SCAPER: variants seen among roughly 807,000 people sequenced by gnomAD.
The protein encoded by SCAPER is S phase cyclin A-associated protein in the endoplasmic reticulum.
In SCAPER, 98 loss-of-function variants were observed where a neutral mutation model predicts 182.2. The ratio of observed to expected loss-of-function variants is 0.54; its 90% confidence interval spans 0.46 to 0.64. The LOEUF is 0.64. SCAPER is among the 30% of genes least tolerant of loss of function. The pLI is 0.00. For synonymous variants in SCAPER, 605 were observed against 564.6 expected, an observed-to-expected ratio of 1.07 and a Z score of -1.01; for missense variants, 1,432 against 1,690.0, an observed-to-expected ratio of 0.85 and a Z score of 2.68.
chr15:76,650,410 TAGA>T (rs1385665765), intron 21 of SCAPER, among the ~76,000 whole-genome samples: 2 of 151,842 alleles, frequency 1.3e-5, no homozygotes, highest in African/African-American at 2.4e-5. Context: ...TAAAGAGAAT[TAGA>T]AGAAGATATG....
chr15:76,903,494 G>A (rs2074911766), intron 1 of SCAPER, among the ~76,000 whole-genome samples: 1 of 152,154 alleles, frequency 6.6e-6, no homozygotes, highest in Admixed American at 6.5e-5. Context: ...CTTATAAGAG[G>A]CCAGAGAGAG....
chr15:76,821,103 G>A (rs943429496), intron 5 of SCAPER, among the ~76,000 whole-genome samples: 1 of 152,194 alleles, frequency 6.6e-6, no homozygotes, highest in African/African-American at 2.4e-5. Flanking sequence ...CTTACCATGT[G>A]ATCCAGCAAC....
chr15:76,819,083 G>A (rs1189751628), intron 5 of SCAPER, among the ~76,000 whole-genome samples: 1 of 152,234 alleles, frequency 6.6e-6, no homozygotes, highest in Non-Finnish European at 1.5e-5. Context: ...AAACAAAGCG[G>A]CCAGGAAGCT....
At chr15:76,685,508 C>G (rs140480099) in intron 20 of SCAPER, among the ~76,000 whole-genome samples, 3 of 151,992 alleles carry the variant, frequency 2.0e-5, no homozygotes, top group East Asian at 3.9e-4. Flanking sequence ...GAGCAACAAA[C>G]TAACAGGTAA....
At chr15:76,657,340 T>C (rs768497644) in intron 21 of SCAPER, among the ~76,000 whole-genome samples, 4 of 151,672 alleles carry the variant, frequency 2.6e-5, no homozygotes, top group Admixed American at 6.6e-5. Context: ...CCTTTCAAGA[T>C]TGAATGAGGA....
intron 5 of SCAPER, among the ~76,000 whole-genome samples, chr15:76,836,734 C>T (rs748617765): frequency 4.0e-5 from 6 of 151,812 alleles, no homozygotes; most frequent in Non-Finnish European, 5.9e-5. Flanking sequence ...ATTAGCCGGG[C>T]GTGGTGGCAG....
intron 4 of SCAPER, among the ~76,000 whole-genome samples, chr15:76,851,603 A>G (rs1444820982): frequency 6.6e-6 from 1 of 152,214 alleles, no homozygotes; most frequent in Non-Finnish European, 1.5e-5. Flanking sequence ...TGGTAAGCAA[A>G]AAAGAAATAA....
chr15:76,514,285 G>GCT (rs2144113277), intron 23 of SCAPER, among the ~76,000 whole-genome samples: 1 of 152,272 alleles, frequency 6.6e-6, no homozygotes, highest in East Asian at 1.9e-4. Flanking sequence ...TACCTTAAAA[G>GCT]CTCTGCCTTC....
chr15:76,355,157 A>C (rs192917229), intron 29 of SCAPER, among the ~76,000 whole-genome samples: 1 of 152,370 alleles, frequency 6.6e-6, no homozygotes, highest in Admixed American at 6.5e-5. Flanking sequence ...GGGATTTACA[A>C]GTTTTCAAAG....
chr15:76,483,041 T>C (rs1236027675), intron 24 of SCAPER, among the ~76,000 whole-genome samples: 2 of 152,022 alleles, frequency 1.3e-5, no homozygotes, highest in African/African-American at 4.8e-5. Flanking sequence ...ATAGCCAATA[T>C]AATATTAAAT....
intron 24 of SCAPER, among the ~76,000 whole-genome samples, chr15:76,486,513 TA>T (rs35458506): frequency 0.48 from 71,986 of 149,690 alleles, 17,546 homozygotes; most frequent in Middle Eastern, 0.58. Context: ...CAATTTATAA[TA>T]AAAAAAAAAC....
At chr15:76,525,784 T>A (rs144362319) in intron 23 of SCAPER, among the ~76,000 whole-genome samples, 1 of 152,252 alleles carries the variant, frequency 6.6e-6, no homozygotes, top group African/African-American at 2.4e-5. Context: ...GTTGATTCCA[T>A]GTCTTTACTA....
intron 25 of SCAPER, among the ~76,000 whole-genome samples, chr15:76,439,608 C>T (rs1483433679): frequency 6.6e-6 from 1 of 152,192 alleles, no homozygotes; most frequent in Admixed American, 6.5e-5. Context: ...AACTTACTTT[C>T]AGCACAGCTG....
intron 23 of SCAPER, among the ~76,000 whole-genome samples, chr15:76,537,494 C>A (rs569151496): frequency 1.3e-5 from 2 of 152,184 alleles, no homozygotes; most frequent in Non-Finnish European, 2.9e-5. Context: ...ATAAAAGGTG[C>A]TGGGAAAACT....
At chr15:76,624,459 C>A (rs1201774839) in intron 21 of SCAPER, among the ~76,000 whole-genome samples, 1 of 152,128 alleles carries the variant, frequency 6.6e-6, no homozygotes. Context: ...GAATCAATAT[C>A]ATTAAAATGG....
At chr15:76,816,592 G>A (rs1450545048) in intron 5 of SCAPER, among the ~76,000 whole-genome samples, 1 of 151,910 alleles carries the variant, frequency 6.6e-6, no homozygotes, top group African/African-American at 2.4e-5. Context: ...TTTTTGTTAA[G>A]CAGAAGGAAT....
At chr15:76,409,416 T>C (rs2045113351) in intron 26 of SCAPER, among the ~76,000 whole-genome samples, 2 of 152,152 alleles carry the variant, frequency 1.3e-5, no homozygotes, top group African/African-American at 4.8e-5. Context: ...TGCTTTGCCA[T>C]TTGAAATTTA....
At chr15:76,552,940 T>C (rs62030371) in intron 23 of SCAPER, among the ~76,000 whole-genome samples, 14,217 of 152,234 alleles carry the variant, frequency 0.093, 820 homozygotes, top group African/African-American at 0.15. Flanking sequence ...ACCAGAGTGC[T>C]TCCCAGGGAC....
chr15:76,500,957 C>T (rs1278580350), intron 24 of SCAPER, among the ~76,000 whole-genome samples: 7 of 151,558 alleles, frequency 4.6e-5, no homozygotes, highest in Admixed American at 1.3e-4. Flanking sequence ...GCACGTGAAT[C>T]GCTTGAACCC....
Sources: gnomAD v4.1 joint callset for allele counts (sites outside exome capture counted in the v4.1 genomes callset) on GRCh38, gnomAD v4.1.1 for gene constraint, MANE v1.5 for transcripts, NCBI Gene and HGNC (gene_info 2026-07-23, HGNC 2026-07-21) for gene names.